The following PHF20 variants were observed in gnomAD, a reference collection of about 807,000 sequenced individuals.
PHF20 encodes the protein glioma-expressed antigen 2.
In PHF20, 23 loss-of-function variants were observed where a neutral mutation model predicts 113.5. The ratio of observed to expected loss-of-function variants is 0.20; its 90% confidence interval spans 0.15 to 0.29. PHF20 has a LOEUF of 0.29. Among genes scored for constraint, PHF20 ranks in the 10% least tolerant of loss-of-function variants. The pLI, the probability that PHF20 is intolerant of heterozygous loss-of-function variation, is 1.00. For missense variants in PHF20, 943 were observed against 1,219.6 expected (o/e 0.77, Z 3.38); for synonymous variants, 434 against 457.3 (o/e 0.95, Z 0.65).
intron 6 of PHF20, among the ~76,000 whole-genome samples, chr20:35,866,357 C>G (rs560666488): frequency 6.6e-6 from 1 of 152,332 alleles, no homozygotes; most frequent in African/African-American, 2.4e-5. Context: ...CATCCTTGAT[C>G]TGTGATGGAT....
intron 4 of PHF20, chr20:35,850,583 C>CTT (rs2042708346): frequency 2.4e-5 from 2 of 84,048 alleles, no homozygotes; most frequent in Admixed American, 1.5e-4. Flanking sequence ...CAATTATGAG[C>CTT]TGTTTTTTTT....
At chr20:35,928,757 C>T (rs1450848914) in intron 14 of PHF20, 1 of 152,160 alleles carries the variant, frequency 6.6e-6, no homozygotes, top group Non-Finnish European at 1.5e-5. Context: ...GGGTTAGAAA[C>T]TTGCCTTTGC....
At chr20:35,871,422 G>A (rs763980414) in intron 8 of PHF20, among the ~76,000 whole-genome samples, 1 of 152,054 alleles carries the variant, frequency 6.6e-6, no homozygotes, top group East Asian at 1.9e-4. Flanking sequence ...CATCTCATTC[G>A]TGCCTTTGTG....
intron 8 of PHF20, among the ~76,000 whole-genome samples, chr20:35,871,439 C>T (rs1352917666): frequency 6.6e-6 from 1 of 151,992 alleles, no homozygotes; most frequent in East Asian, 1.9e-4. Context: ...TGTGTTTATA[C>T]TTCCAGCTAT....
chr20:35,818,695 C>T lies in PHF20; in HGVS notation c.83+17090C>T, dbSNP rs566540303. Reference sequence around the variant, plus strand: ...GGGACTATAGGTGCATGCCACTGCACCTGGCTCATTTTTGTATTTGTTATA... The same window carrying T: ...GGGACTATAGGTGCATGCCACTGCATCTGGCTCATTTTTGTATTTGTTATA... On this transcript the variant is annotated intron_variant, in intron 2 of 17. Coordinates refer to ENST00000374012, the MANE Select transcript of PHF20 (RefSeq NM_016436.5). Among the ~76,000 whole-genome samples the T allele has an allele frequency of 4.6e-5, 7 of 152,202 alleles. No homozygotes were observed. The South Asian group carries it at 1.5e-3, about 32-fold the overall frequency.
chr20:35,795,373 T>G (rs905520464), intron 1 of PHF20, among the ~76,000 whole-genome samples: 1 of 151,830 alleles, frequency 6.6e-6, no homozygotes, highest in African/African-American at 2.4e-5. Context: ...TAGCTGGGAT[T>G]ATAGGTGTGT....
At chr20:35,873,837 C>T (rs1276627542) in intron 9 of PHF20, among the ~76,000 whole-genome samples, 1 of 152,128 alleles carries the variant, frequency 6.6e-6, no homozygotes, top group African/African-American at 2.4e-5. Flanking sequence ...TGGTATACAT[C>T]CTTAACTTCT....
rs180791479 is a variant in PHF20, at chr20:35,829,734, C to T, written c.84-12839C>T. On this transcript the variant is annotated intron_variant, in intron 2 of 17. Transcript: ENST00000374012. ...CCTTAGCCGTGCGCCATGGCTCATG[C>T]CTATAATCCCAGCACTTTGGGAGGC... is the stretch of plus-strand genomic sequence containing the variant. Among the ~76,000 whole-genome samples the T allele has an allele frequency of 8.2e-4, 124 of 151,970 alleles. 2 individuals carry two copies. Among genetic ancestry groups the T allele is most frequent in the African/African-American group, 2.6e-3 (106 of 41,516 alleles).
intron 1 of PHF20, among the ~76,000 whole-genome samples, chr20:35,778,020 A>C (rs1001158531): frequency 3.9e-5 from 6 of 152,240 alleles, no homozygotes; most frequent in Non-Finnish European, 8.8e-5. Context: ...TTCTTTCATC[A>C]TCTTCCTAAG....
intron 11 of PHF20, 109 bp downstream of exon 11, chr20:35,913,456 A>G (rs969388411): frequency 3.0e-5 from 23 of 763,238 alleles, no homozygotes; most frequent in Middle Eastern, 2.5e-4. Context: ...GGAAGGACCA[A>G]TAGTCTCTTA....
At chr20:35,784,245 G>A (rs913252691) in intron 1 of PHF20, among the ~76,000 whole-genome samples, 1 of 151,394 alleles carries the variant, frequency 6.6e-6, no homozygotes, top group African/African-American at 2.4e-5. Context: ...GTAGAGATGG[G>A]GTTTCACCAT....
rs780997031 is a variant in PHF20 at position 35,858,391 on chromosome 20, G to A, written c.420+10G>A. The A allele has an allele frequency of 2.8e-5, 41 of 1,487,996 alleles. No homozygotes were observed. The highest frequency in any genetic ancestry group is 2.8e-5 in the Non-Finnish European group (30 of 1,071,600). 92.2% of individuals were successfully genotyped at this position (1,487,996 alleles called of 1,614,324 possible). A position where few individuals can be genotyped will look rare whatever the true frequency, so the allele number is the denominator to read the frequency against. The stretch of plus-strand genomic sequence containing the variant: ...TTTTTCCAAAGATCAGGTGAGAAAT[G>A]TGGTTTTGTGCTTTGTGTTATGAAT... On this transcript the variant is annotated intron_variant, in intron 5 of 17. Coordinates refer to ENST00000374012, the MANE Select transcript of PHF20 (RefSeq NM_016436.5).
chr20:35,836,619 C>T (rs962978121), intron 2 of PHF20, among the ~76,000 whole-genome samples: 60 of 151,974 alleles, frequency 3.9e-4, no homozygotes, highest in South Asian at 4.1e-4. Context: ...CCGAGGCGGG[C>T]GGATCACGAG....
intron 14 of PHF20, 65 bp from the exon 15 acceptor site, chr20:35,931,184 G>C (rs1376098591): frequency 1.9e-6 from 2 of 1,070,876 alleles, no homozygotes; most frequent in African/African-American, 1.5e-5. Context: ...AATTGTGTGA[G>C]AGTGATGAAA....
intron 4 of PHF20, among the ~76,000 whole-genome samples, chr20:35,851,363 A>G (rs1486543397): frequency 6.6e-6 from 1 of 152,140 alleles, no homozygotes; most frequent in African/African-American, 2.4e-5. Context: ...AGGAGATGCT[A>G]TGGAAATGAT....
At chr20:35,877,443 CTTTTTTTA>C (rs1168957607) in intron 9 of PHF20, among the ~76,000 whole-genome samples, 2 of 148,398 alleles carry the variant, frequency 1.3e-5, no homozygotes, top group Non-Finnish European at 3.0e-5. Flanking sequence ...TCTTTTTTTT[CTTTTTTTA>C]TTTTTATTTT....
intron 2 of PHF20, among the ~76,000 whole-genome samples, chr20:35,818,613 G>A (rs1237224972): frequency 1.3e-5 from 2 of 151,986 alleles, no homozygotes; most frequent in East Asian, 1.9e-4. Context: ...GATCATAACT[G>A]TAGCCTGGTA....
intron 12 of PHF20, among the ~76,000 whole-genome samples, chr20:35,916,899 C>G (rs1454372974): frequency 6.6e-6 from 1 of 152,170 alleles, no homozygotes; most frequent in Admixed American, 6.5e-5. Context: ...GTAGCTGGGA[C>G]TGTAGACGTG....
In PHF20 at chr20:35,948,550, T is replaced by G. The variant is rs189526249; in HGVS notation, c.*923T>G. 7 of 152,816 alleles carry G rather than the reference T, an allele frequency of 4.6e-5. No homozygotes were observed. The highest frequency in any genetic ancestry group is 1.7e-4 in the African/African-American group (7 of 41,596). 9.5% of individuals were successfully genotyped at this position (152,816 alleles called of 1,614,324 possible). On this transcript the variant is annotated 3_prime_UTR_variant, in exon 18 of 18. Coordinates refer to ENST00000374012, the MANE Select transcript of PHF20 (RefSeq NM_016436.5). ...ACTTCAAATTCTACATGTGCGACTTTTCTCCTTCCTGAAGGGTGTTTAGTA... is the reference window on the plus strand; with the variant it reads ...ACTTCAAATTCTACATGTGCGACTTGTCTCCTTCCTGAAGGGTGTTTAGTA...
Sources: allele counts gnomAD v4.1 joint callset (sites outside exome capture counted in the v4.1 genomes callset), GRCh38; gene constraint gnomAD v4.1.1; transcripts MANE v1.5; gene names NCBI Gene and HGNC (gene_info 2026-07-23, HGNC 2026-07-21).